Variants in NHLRC2 observed in about 807,000 individuals in gnomAD.
The protein encoded by NHLRC2 is NHL repeat-containing protein 2.
NHLRC2 carries 33 observed loss-of-function variants against 68.1 expected under a neutral mutation model. The observed-to-expected ratio is 0.48, with a 90% CI of 0.37 to 0.65. NHLRC2 has a LOEUF of 0.65. NHLRC2 is among the 30% of genes least tolerant of loss of function. The pLI is 0.00. For missense variants in NHLRC2, 761 were observed against 853.8 expected, an observed-to-expected ratio of 0.89 and a Z score of 1.35; for synonymous variants, 311 against 309.6, an observed-to-expected ratio of 1.00 and a Z score of -0.05.
At chr10:113,862,594 A>G (rs1271651308) in intron 2 of NHLRC2, among the ~76,000 whole-genome samples, 1 of 152,220 alleles carries the variant, frequency 6.6e-6, no homozygotes, top group Non-Finnish European at 1.5e-5. Context: ...ATTACTTTAA[A>G]TGTAAATGGA....
chr10:113,865,191 C>T (rs929275379), intron 2 of NHLRC2, among the ~76,000 whole-genome samples: 5 of 151,852 alleles, frequency 3.3e-5, no homozygotes, highest in Admixed American at 1.3e-4. Context: ...CCTCGTGATA[C>T]GCCTGCCTCG....
At chr10:113,878,519 G>A (rs1328100175) in intron 3 of NHLRC2, among the ~76,000 whole-genome samples, 2 of 151,934 alleles carry the variant, frequency 1.3e-5, no homozygotes, top group Non-Finnish European at 2.9e-5. Flanking sequence ...GGTCTATTGG[G>A]CTCTTGAGTT....
chr10:113,886,704 A>G (rs1404543801), intron 5 of NHLRC2, among the ~76,000 whole-genome samples: 2 of 152,158 alleles, frequency 1.3e-5, no homozygotes, highest in African/African-American at 2.4e-5. Flanking sequence ...AAATTGGACT[A>G]TATCATATAC....
At chr10:113,905,685 C>T (rs1846269582) in intron 10 of NHLRC2, among the ~76,000 whole-genome samples, 1 of 152,144 alleles carries the variant, frequency 6.6e-6, no homozygotes, top group South Asian at 2.1e-4. Context: ...ACTCAATTTT[C>T]CATTTCCTTC....
chr10:113,869,506 A>G (rs1589536908), intron 2 of NHLRC2, among the ~76,000 whole-genome samples: 1 of 152,044 alleles, frequency 6.6e-6, no homozygotes, highest in Non-Finnish European at 1.5e-5. Flanking sequence ...CACGTTCTCC[A>G]TTGTTCTCTG....
intron 10 of NHLRC2, among the ~76,000 whole-genome samples, chr10:113,905,699 A>ACTC (rs1348791128): frequency 6.6e-6 from 1 of 151,114 alleles, no homozygotes; most frequent in East Asian, 1.9e-4. Flanking sequence ...TTCCTTCCCA[A>ACTC]CTCCTCCTCC....
chr10:113,896,233 A>G (rs980880588), intron 5 of NHLRC2, among the ~76,000 whole-genome samples: 61 of 152,270 alleles, frequency 4.0e-4, no homozygotes, highest in Admixed American at 8.5e-4. Context: ...TTATTGCGGC[A>G]TTATTCACAA....
At chr10:113,902,717 A>G (rs556408499) in intron 8 of NHLRC2, 124 bp downstream of exon 8, 2 of 816,450 alleles carry the variant, frequency 2.4e-6, no homozygotes, top group East Asian at 5.3e-5. Flanking sequence ...GTCTTTGACA[A>G]CTATAACCCA....
At chr10:113,903,292 A>C (rs1846244283) in intron 8 of NHLRC2, among the ~76,000 whole-genome samples, 1 of 152,214 alleles carries the variant, frequency 6.6e-6, no homozygotes. Flanking sequence ...CCAGAAGACA[A>C]GATGGAGCTA....
chr10:113,891,202 C>T (rs1439858508), intron 5 of NHLRC2, among the ~76,000 whole-genome samples: 1 of 152,130 alleles, frequency 6.6e-6, no homozygotes, highest in Non-Finnish European at 1.5e-5. Context: ...ATTTGTATTT[C>T]TTACAGATTC....
At chr10:113,882,351 C>A (rs185794838) in intron 4 of NHLRC2, among the ~76,000 whole-genome samples, 68 of 151,850 alleles carry the variant, frequency 4.5e-4, no homozygotes, top group Middle Eastern at 3.4e-3. Context: ...TCTACATGTT[C>A]ACCGTCACTT....
intron 1 of NHLRC2, 113 bp downstream of exon 1, chr10:113,855,163 G>A (rs1845734382): frequency 1.1e-6 from 1 of 938,062 alleles, no homozygotes; most frequent in Non-Finnish European, 1.6e-6. Context: ...GCGCCCCGGG[G>A]AGTGGCCCTT....
rs1475891943 is a variant in NHLRC2, at chr10:113,915,638, A to G, written c.*7102A>G. 4.3e-6 allele frequency: 1 copy of G among 232,514 alleles called. No homozygotes were observed. Among genetic ancestry groups the G allele is most frequent in the East Asian group, 1.3e-4 (1 of 7,668 alleles). The allele number at this position is 232,514 out of a possible 1,614,324, so 14.4% of individuals were successfully genotyped here. On this transcript the variant is annotated 3_prime_UTR_variant, in exon 11 of 11. Coordinates refer to ENST00000369301, the MANE Select transcript of NHLRC2 (RefSeq NM_198514.4). The stretch of plus-strand genomic sequence containing the variant: ...TAAAATAGTTTTTTTTTCCCTTCCC[A>G]TTTTTTTGTTTTTAAGAGATAGGGT...
chr10:113,882,288 T>C (rs533568737), intron 4 of NHLRC2, among the ~76,000 whole-genome samples: 4 of 151,948 alleles, frequency 2.6e-5, no homozygotes, highest in Admixed American at 2.0e-4. Context: ...TTATTTTCCA[T>C]AGCAATTGCA....
chr10:113,884,127 T>C (rs75643775), intron 4 of NHLRC2, 124 bp from the exon 5 acceptor site: 3 of 729,324 alleles, frequency 4.1e-6, no homozygotes, highest in Non-Finnish European at 4.3e-6. Flanking sequence ...CCTTTTTTCA[T>C]AATAAAACTT....
At chr10:113,855,155 G>A (rs930687101) in intron 1 of NHLRC2, 105 bp downstream of exon 1, 3 of 1,008,224 alleles carry the variant, frequency 3.0e-6, no homozygotes, top group African/African-American at 1.6e-5. Context: ...TGCCGCTGGC[G>A]CCCCGGGGAG....
chr10:113,869,140 G>T (rs1845898440), intron 2 of NHLRC2, among the ~76,000 whole-genome samples: 1 of 152,174 alleles, frequency 6.6e-6, no homozygotes, highest in East Asian at 1.9e-4. Context: ...CTGTGACAAG[G>T]CTGTTGTGCT....
intron 2 of NHLRC2, among the ~76,000 whole-genome samples, chr10:113,870,452 C>G (rs1011109193): frequency 3.3e-5 from 5 of 152,096 alleles, no homozygotes; most frequent in African/African-American, 1.2e-4. Context: ...GGAGTCACTT[C>G]ATAACAGTTC....
At chr10:113,888,238 TTG>T (rs1846100000) in intron 5 of NHLRC2, among the ~76,000 whole-genome samples, 2 of 152,196 alleles carry the variant, frequency 1.3e-5, no homozygotes, top group Admixed American at 6.5e-5. Flanking sequence ...TTAGAGATAA[TTG>T]TGCACTGCAT....
Sources: allele counts gnomAD v4.1 joint callset (sites outside exome capture counted in the v4.1 genomes callset), GRCh38; gene constraint gnomAD v4.1.1; transcripts MANE v1.5; gene names NCBI Gene and HGNC (gene_info 2026-07-23, HGNC 2026-07-21).